BPTF: variants seen among roughly 807,000 people sequenced by gnomAD.
BPTF encodes the protein nucleosome-remodeling factor subunit BPTF.
A neutral mutation model predicts 292.5 loss-of-function variants in BPTF; 18 were observed. That is an observed-to-expected ratio of 0.06 (90% CI 0.04 to 0.09). The LOEUF (loss-of-function observed/expected upper bound fraction) is 0.09. Among genes scored for constraint, BPTF ranks in the 10% least tolerant of loss-of-function variants. The pLI is 1.00. For missense variants in BPTF, 2,726 were observed against 3,498.7 expected (o/e 0.78, Z 5.57); for synonymous variants, 1,225 against 1,251.9 (o/e 0.98, Z 0.45).
chr17:67,927,626 C>T (rs1299512341), intron 15 of BPTF, among the ~76,000 whole-genome samples: 2 of 152,184 alleles, frequency 1.3e-5, no homozygotes, highest in Non-Finnish European at 2.9e-5. Context: ...TCCATTTGTT[C>T]TCAGCTCTGA....
At chr17:67,951,059 T>G (rs1723458309) in intron 23 of BPTF, 1 of 152,148 alleles carries the variant, frequency 6.6e-6, no homozygotes, top group Non-Finnish European at 1.5e-5. Context: ...TCCACCCGCC[T>G]TAGTCTCCCA....
chr17:67,896,243 T>C lies in BPTF; in HGVS notation c.2543+2078T>C, dbSNP rs1204994165. On this transcript the variant is annotated intron_variant, in intron 7 of 27. Transcript: ENST00000306378. ...TCCCAAAGTGCTGGGATTACAGGCA[T>C]GAGTGACTGCACCCAGCCAATATTG... Among the ~76,000 whole-genome samples, 6 of 152,234 alleles carry C rather than the reference T, an allele frequency of 3.9e-5. No homozygotes were observed. In the East Asian group the frequency reaches 9.6e-4, roughly 24 times the overall value.
At chr17:67,976,034 C>A in intron 27 of BPTF, 76 bp downstream of exon 27, 4 of 1,184,902 alleles carry the variant, frequency 3.4e-6, no homozygotes, top group Admixed American at 2.6e-5. Flanking sequence ...AACGATTCAA[C>A]CAGTGCAGTT....
Position 67,829,665 on chromosome 17 carries a change from A to G in BPTF, c.613+3328A>G, listed in dbSNP as rs555800462. On this transcript the variant is annotated intron_variant, in intron 1 of 27. Transcript: ENST00000306378. ...AGAAAAAAAGTTTTAGAACTGGTTT[A>G]AGATATCCGAATAACACATAAAGAA... is the stretch of plus-strand genomic sequence containing the variant. 8.4e-4 allele frequency among the ~76,000 whole-genome samples: 128 copies of G among 152,344 alleles called. 1 individual carries two copies. The highest frequency in any genetic ancestry group is 2.1e-3 in the Admixed American group (32 of 15,306).
At chr17:67,883,914 A>G (rs2060582214) in intron 4 of BPTF, among the ~76,000 whole-genome samples, 1 of 152,118 alleles carries the variant, frequency 6.6e-6, no homozygotes, top group African/African-American at 2.4e-5. Context: ...TGTTTTTTAT[A>G]AATAAAAGTA....
intron 5 of BPTF, 76 bp downstream of exon 5, chr17:67,892,110 C>A: frequency 8.6e-7 from 1 of 1,166,782 alleles, no homozygotes; most frequent in Non-Finnish European, 1.2e-6. Context: ...AAAATAGGGG[C>A]TGGAAATTTG....
At chr17:67,846,692 T>C (rs1419652917) in intron 1 of BPTF, among the ~76,000 whole-genome samples, 5 of 152,092 alleles carry the variant, frequency 3.3e-5, no homozygotes, top group Non-Finnish European at 5.9e-5. Flanking sequence ...GACCATAGCT[T>C]AGGACTTGTG....
chr17:67,916,765 C>CA (rs768285922), intron 11 of BPTF, among the ~76,000 whole-genome samples: 2,146 of 55,844 alleles, frequency 0.038, 42 homozygotes, highest in Non-Finnish European at 0.044. Flanking sequence ...TACTCTGTCT[C>CA]AAAAAAAAAA....
intron 4 of BPTF, among the ~76,000 whole-genome samples, chr17:67,879,492 T>C (rs183812463): frequency 6.7e-4 from 102 of 152,356 alleles, no homozygotes; most frequent in Admixed American, 4.6e-3. Flanking sequence ...TTCTGGAGTT[T>C]TCACTGTGAG....
intron 2 of BPTF, among the ~76,000 whole-genome samples, chr17:67,857,782 C>CT (rs35999365): frequency 0.019 from 2,008 of 103,386 alleles, 59 homozygotes; most frequent in African/African-American, 0.056. Flanking sequence ...ATATTTCTTT[C>CT]TTTTTTTTTT....
intron 27 of BPTF, among the ~76,000 whole-genome samples, chr17:67,980,827 G>A (rs1447278580): frequency 6.6e-6 from 1 of 152,186 alleles, no homozygotes; most frequent in Non-Finnish European, 1.5e-5. Context: ...TAAAGCACAT[G>A]GGAGCTGAAT....
At chr17:67,827,422 CGCAAAAGGCTGCTTTGTACATAG>C (rs1254624622) in intron 1 of BPTF, among the ~76,000 whole-genome samples, 1 of 152,144 alleles carries the variant, frequency 6.6e-6, no homozygotes, top group East Asian at 1.9e-4. Flanking sequence ...CCCGGCCCCC[CGCAAAAGGCTGCTTTGTACATAG>C]TCACAATTTA....
intron 26 of BPTF, among the ~76,000 whole-genome samples, chr17:67,967,003 G>A (rs1295082042): frequency 6.6e-6 from 1 of 151,534 alleles, no homozygotes; most frequent in South Asian, 2.1e-4. Context: ...AGGAGGCTGA[G>A]GCAGGAGAAT....
intron 7 of BPTF, among the ~76,000 whole-genome samples, chr17:67,900,100 G>A (rs2061723513): frequency 6.6e-6 from 1 of 151,892 alleles, no homozygotes; most frequent in Non-Finnish European, 1.5e-5. Flanking sequence ...GTGTGTGTGC[G>A]CATGTGTGTG....
chr17:67,866,059 C>T (rs747665499), intron 2 of BPTF, among the ~76,000 whole-genome samples: 5 of 152,082 alleles, frequency 3.3e-5, no homozygotes, highest in East Asian at 1.9e-4. Context: ...AGTCTGAGTA[C>T]GCAGTGAACC....
intron 9 of BPTF, among the ~76,000 whole-genome samples, chr17:67,905,942 C>CTAATGTAAATGTAGAG (rs2146713581): frequency 6.6e-6 from 1 of 152,032 alleles, no homozygotes; most frequent in South Asian, 2.1e-4. Flanking sequence ...GGAGATATAC[C>CTAATGTAAATGTAGAG]TAATGTAAAT....
chr17:67,967,489 A>G (rs1237788934), intron 26 of BPTF, among the ~76,000 whole-genome samples: 2 of 151,804 alleles, frequency 1.3e-5, no homozygotes, highest in Non-Finnish European at 2.9e-5. Context: ...TAGGATTTAC[A>G]TGTGCACAAG....
intron 23 of BPTF, among the ~76,000 whole-genome samples, chr17:67,953,658 C>T (rs1210019450): frequency 2.7e-5 from 4 of 149,226 alleles, no homozygotes; most frequent in Non-Finnish European, 4.4e-5. Flanking sequence ...TCACTGCAAT[C>T]TCCACCTCCC....
intron 1 of BPTF, among the ~76,000 whole-genome samples, chr17:67,832,697 C>G (rs1382925149): frequency 1.3e-5 from 2 of 151,964 alleles, no homozygotes; most frequent in Non-Finnish European, 2.9e-5. Context: ...GAAGCCCGCA[C>G]CGTCAGCATC....
Sources: gnomAD v4.1 joint callset for allele counts (sites outside exome capture counted in the v4.1 genomes callset) on GRCh38, gnomAD v4.1.1 for gene constraint, MANE v1.5 for transcripts, NCBI Gene and HGNC (gene_info 2026-07-23, HGNC 2026-07-21) for gene names.